The following SLC25A21 variants were observed in gnomAD, a reference collection of about 807,000 sequenced individuals.
The protein encoded by SLC25A21 is mitochondrial 2-oxodicarboxylate carrier.
A neutral mutation model predicts 43.8 loss-of-function variants in SLC25A21; 47 were observed. The observed-to-expected ratio is 1.07, with a 90% CI of 0.85 to 1.37. The LOEUF is 1.37. Among genes scored for constraint, SLC25A21 ranks in the 40% most tolerant of loss-of-function variants. The pLI is 0.00. For synonymous variants in SLC25A21, 131 were observed against 121.3 expected (o/e 1.08, Z -0.52); for missense variants, 352 against 350.2 (o/e 1.00, Z -0.04).
chr14:36,785,382 C>T (rs113829371), intron 3 of SLC25A21, among the ~76,000 whole-genome samples: 41 of 152,300 alleles, frequency 2.7e-4, no homozygotes, highest in African/African-American at 6.3e-4. Flanking sequence ...AATAGTCTAA[C>T]GCATCCCTCT....
intron 1 of SLC25A21, among the ~76,000 whole-genome samples, chr14:37,088,833 C>T (rs1157337452): frequency 1.3e-5 from 2 of 152,226 alleles, no homozygotes; most frequent in African/African-American, 4.8e-5. Context: ...TAAGGCTTGT[C>T]CCTGATCAGA....
intron 3 of SLC25A21, among the ~76,000 whole-genome samples, chr14:36,764,143 G>GGAAAGAAGGAAAGAAGGAAA (rs1555326633): frequency 3.0e-5 from 1 of 33,802 alleles, no homozygotes; most frequent in Non-Finnish European, 5.6e-5. Flanking sequence ...AAGGAAAGAA[G>GGAAAGAAGGAAAGAAGGAAA]GAAAGAAAGA....
chr14:36,822,810 C>G (rs1888681626), intron 2 of SLC25A21, among the ~76,000 whole-genome samples: 2 of 152,154 alleles, frequency 1.3e-5, no homozygotes, highest in South Asian at 4.1e-4. Flanking sequence ...CTTTCACAAG[C>G]CAAGGAGATT....
intron 7 of SLC25A21, among the ~76,000 whole-genome samples, chr14:36,702,928 G>A (rs1018553741): frequency 1.3e-4 from 20 of 152,190 alleles, no homozygotes; most frequent in African/African-American, 2.6e-4. Flanking sequence ...CCCCCTCCCC[G>A]CTACATATCC....
At chr14:36,881,560 G>A (rs551329857) in intron 1 of SLC25A21, among the ~76,000 whole-genome samples, 58 of 152,304 alleles carry the variant, frequency 3.8e-4, no homozygotes, top group African/African-American at 1.4e-3. Flanking sequence ...ACGTAAAGCA[G>A]AAGATCTTAT....
chr14:37,132,038 T>G (rs767395066), intron 1 of SLC25A21, among the ~76,000 whole-genome samples: 1 of 152,112 alleles, frequency 6.6e-6, no homozygotes, highest in Non-Finnish European at 1.5e-5. Context: ...GTAAGTCCAA[T>G]ACCAAGATGC....
At chr14:36,958,936 T>C (rs117732346) in intron 1 of SLC25A21, among the ~76,000 whole-genome samples, 1 of 152,212 alleles carries the variant, frequency 6.6e-6, no homozygotes, top group African/African-American at 2.4e-5. Context: ...TTAAGCTGTC[T>C]GGTGAGACTG....
intron 1 of SLC25A21, among the ~76,000 whole-genome samples, chr14:36,963,793 A>G (rs1197077517): frequency 6.6e-6 from 1 of 152,166 alleles, no homozygotes; most frequent in Non-Finnish European, 1.5e-5. Flanking sequence ...CAGAGGGATC[A>G]TGGCTAGAAC....
intron 6 of SLC25A21, among the ~76,000 whole-genome samples, chr14:36,715,482 A>G (rs187127176): frequency 1.4e-3 from 211 of 152,318 alleles, no homozygotes; most frequent in Non-Finnish European, 2.4e-3. Flanking sequence ...TTCCAATACT[A>G]TCTAATCCAG....
At chr14:36,844,526 T>G (rs1889483867) in intron 2 of SLC25A21, among the ~76,000 whole-genome samples, 1 of 152,190 alleles carries the variant, frequency 6.6e-6, no homozygotes, top group Non-Finnish European at 1.5e-5. Flanking sequence ...CATGATTCCC[T>G]GGGCACTCAA....
At chr14:37,015,751 G>A (rs1017137440) in intron 1 of SLC25A21, among the ~76,000 whole-genome samples, 1 of 151,918 alleles carries the variant, frequency 6.6e-6, no homozygotes, top group African/African-American at 2.4e-5. Context: ...GTGTGAGATG[G>A]TATCTCATTG....
At chr14:37,125,707 G>A (rs1463994327) in intron 1 of SLC25A21, among the ~76,000 whole-genome samples, 2 of 152,072 alleles carry the variant, frequency 1.3e-5, no homozygotes, top group Non-Finnish European at 2.9e-5. Context: ...ATTATGATTA[G>A]GTTAAAATAA....
At chr14:36,981,847 A>T (rs113510525) in intron 1 of SLC25A21, among the ~76,000 whole-genome samples, 11,630 of 152,156 alleles carry the variant, frequency 0.076, 1,485 homozygotes, top group African/African-American at 0.26. Context: ...TAATAAAAAT[A>T]AAATTAAATT....
intron 1 of SLC25A21, among the ~76,000 whole-genome samples, chr14:36,996,004 T>A (rs748768299): frequency 2.6e-5 from 4 of 152,144 alleles, no homozygotes; most frequent in Non-Finnish European, 5.9e-5. Context: ...GAGAAGTAAC[T>A]CGACCAAAGC....
intron 1 of SLC25A21, among the ~76,000 whole-genome samples, chr14:36,902,160 G>T (rs1022778860): frequency 1.3e-5 from 2 of 152,220 alleles, no homozygotes; most frequent in African/African-American, 2.4e-5. Context: ...TATGCAGGAA[G>T]AATGAAGAAA....
intron 1 of SLC25A21, among the ~76,000 whole-genome samples, chr14:37,016,402 A>G (rs1168720376): frequency 6.6e-6 from 1 of 152,092 alleles, no homozygotes; most frequent in East Asian, 1.9e-4. Flanking sequence ...GTTGATCTAT[A>G]TCTCTGTTTT....
intron 1 of SLC25A21, among the ~76,000 whole-genome samples, chr14:36,926,264 T>C (rs8015456): frequency 0.076 from 11,552 of 152,220 alleles, 697 homozygotes; most frequent in East Asian, 0.24. Context: ...AAATTAGTCA[T>C]GTCCAAAGAA....
intron 3 of SLC25A21, among the ~76,000 whole-genome samples, chr14:36,765,910 T>C (rs1238612914): frequency 6.6e-6 from 1 of 152,164 alleles, no homozygotes; most frequent in African/African-American, 2.4e-5. Flanking sequence ...CACTGATACC[T>C]CTTGGAACCT....
chr14:36,892,614 T>C (rs1196453047), intron 1 of SLC25A21, among the ~76,000 whole-genome samples: 2 of 152,154 alleles, frequency 1.3e-5, no homozygotes, highest in East Asian at 3.9e-4. Flanking sequence ...TAGTTACATA[T>C]GTATACATGT....
Sources: allele counts gnomAD v4.1 joint callset (sites outside exome capture counted in the v4.1 genomes callset), GRCh38; gene constraint gnomAD v4.1.1; transcripts MANE v1.5; gene names NCBI Gene and HGNC (gene_info 2026-07-23, HGNC 2026-07-21).